Variants in MYO1D observed in about 807,000 individuals in gnomAD.
MYO1D encodes unconventional myosin-Id.
A neutral mutation model predicts 122.0 loss-of-function variants in MYO1D; 83 were observed. That is an observed-to-expected ratio of 0.68 (90% CI 0.57 to 0.82). The LOEUF is 0.82. MYO1D is among the 40% of genes least tolerant of loss of function. The probability of loss-of-function intolerance (pLI) is 0.00; values close to 1 mark genes in which losing one functional copy is unlikely to be tolerated. For synonymous variants in MYO1D, 464 were observed against 446.9 expected (o/e 1.04, Z -0.48); for missense variants, 1,157 against 1,269.5 (o/e 0.91, Z 1.35).
intron 1 of MYO1D, among the ~76,000 whole-genome samples, chr17:32,833,846 T>C (rs551552607): frequency 6.6e-6 from 1 of 152,206 alleles, no homozygotes; most frequent in South Asian, 2.1e-4. Context: ...AATTCTTTCT[T>C]CAAATGCCAC....
At chr17:32,511,995 G>A (rs1185424570) in intron 21 of MYO1D, among the ~76,000 whole-genome samples, 1 of 152,152 alleles carries the variant, frequency 6.6e-6, no homozygotes, top group East Asian at 1.9e-4. Flanking sequence ...ACACACTGGG[G>A]ACATATATAT....
chr17:32,734,588 A>T (rs2089675760), intron 14 of MYO1D: 1 of 152,172 alleles, frequency 6.6e-6, no homozygotes, highest in African/African-American at 2.4e-5. Context: ...GTATTCTATA[A>T]ATTCTGACAA....
chr17:32,735,054 C>A (rs1470427764), intron 14 of MYO1D: 1 of 149,672 alleles, frequency 6.7e-6, no homozygotes, highest in Non-Finnish European at 1.5e-5. Flanking sequence ...GCACTCCAAC[C>A]TGGGCAACAA....
intron 1 of MYO1D, among the ~76,000 whole-genome samples, chr17:32,874,301 T>C (rs2091208873): frequency 6.8e-6 from 1 of 146,430 alleles, no homozygotes; most frequent in Non-Finnish European, 1.5e-5. Context: ...TCTGTCTCTG[T>C]CTCTCTCTCT....
At chr17:32,857,042 G>C (rs1016112370) in intron 1 of MYO1D, among the ~76,000 whole-genome samples, 1 of 152,096 alleles carries the variant, frequency 6.6e-6, no homozygotes, top group African/African-American at 2.4e-5. Context: ...AATTCAAACT[G>C]CTTCTTAATC....
intron 1 of MYO1D, among the ~76,000 whole-genome samples, chr17:32,828,911 T>A (rs1337349364): frequency 2.6e-5 from 4 of 152,178 alleles, no homozygotes; most frequent in African/African-American, 9.7e-5. Flanking sequence ...CACATACAAG[T>A]CGGGTAAACC....
At chr17:32,586,963 C>T (rs977286093) in intron 21 of MYO1D, among the ~76,000 whole-genome samples, 2 of 152,110 alleles carry the variant, frequency 1.3e-5, no homozygotes, top group African/African-American at 4.8e-5. Context: ...GATGCTTGTT[C>T]TTCGTTTCAA....
intron 21 of MYO1D, among the ~76,000 whole-genome samples, chr17:32,516,197 C>A (rs1909884625): frequency 6.6e-6 from 1 of 152,202 alleles, no homozygotes. Context: ...AATATTCCAA[C>A]AGATGAAACA....
At chr17:32,502,822 A>G (rs553408708) in intron 21 of MYO1D, among the ~76,000 whole-genome samples, 6 of 152,200 alleles carry the variant, frequency 3.9e-5, no homozygotes, top group Non-Finnish European at 8.8e-5. Context: ...CTTATTTTTT[A>G]AAGAAAAGGA....
At chr17:32,560,571 A>ATATATATG (rs2087114460) in intron 21 of MYO1D, among the ~76,000 whole-genome samples, 1 of 105,542 alleles carries the variant, frequency 9.5e-6, no homozygotes, top group African/African-American at 3.9e-5. Flanking sequence ...ATATATATAT[A>ATATATATG]TATATAACTT....
intron 16 of MYO1D, among the ~76,000 whole-genome samples, chr17:32,680,240 A>G (rs1598000768): frequency 1.1e-4 from 1 of 9,488 alleles, no homozygotes; most frequent in Non-Finnish European, 2.1e-4. Flanking sequence ...TTCCTAATTG[A>G]ATACCCTTTA....
At chr17:32,805,544 G>A (rs995098434) in intron 1 of MYO1D, among the ~76,000 whole-genome samples, 27 of 152,146 alleles carry the variant, frequency 1.8e-4, no homozygotes, top group African/African-American at 5.8e-4. Context: ...ATTGAGTTTG[G>A]TTTTGAAGCC....
intron 21 of MYO1D, chr17:32,495,629 A>AGCCCTT: frequency 6.6e-6 from 1 of 152,284 alleles, no homozygotes; most frequent in Non-Finnish European, 1.5e-5. Flanking sequence ...CCCGAGCCCG[A>AGCCCTT]GCCCTTCCTC....
chr17:32,616,596 C>T (rs540905494), intron 20 of MYO1D, among the ~76,000 whole-genome samples: 1 of 151,076 alleles, frequency 6.6e-6, no homozygotes, highest in East Asian at 1.9e-4. Flanking sequence ...GTTGGGATTA[C>T]AGGTGTAACC....
At chr17:32,738,122 A>C (rs1430933395) in intron 14 of MYO1D, 131 bp downstream of exon 14, 1 of 752,248 alleles carries the variant, frequency 1.3e-6, no homozygotes, top group Non-Finnish European at 1.9e-6. Context: ...AAATTCTATT[A>C]TAACATTCAC....
chr17:32,524,398 CT>C (rs966234052), intron 21 of MYO1D, among the ~76,000 whole-genome samples: 3 of 150,946 alleles, frequency 2.0e-5, no homozygotes, highest in East Asian at 1.9e-4. Context: ...ATTACTTTTT[CT>C]TTTTTTTTCT....
intron 21 of MYO1D, among the ~76,000 whole-genome samples, chr17:32,509,634 G>T (rs907249012): frequency 6.6e-6 from 1 of 151,902 alleles, no homozygotes; most frequent in Non-Finnish European, 1.5e-5. Flanking sequence ...CACCAGGCTG[G>T]AGTGCAGTGG....
chr17:32,633,219 A>C (rs2088046865), intron 20 of MYO1D, among the ~76,000 whole-genome samples: 1 of 152,160 alleles, frequency 6.6e-6, no homozygotes. Context: ...GAAAAAGAAC[A>C]ACCTAAAGAA....
chr17:32,611,056 T>C (rs2087694521), intron 20 of MYO1D, among the ~76,000 whole-genome samples: 1 of 152,092 alleles, frequency 6.6e-6, no homozygotes, highest in South Asian at 2.1e-4. Flanking sequence ...CAGCCTCTCC[T>C]TACTAAGAAG....
Sources: allele counts gnomAD v4.1 joint callset (sites outside exome capture counted in the v4.1 genomes callset), GRCh38; gene constraint gnomAD v4.1.1; transcripts MANE v1.5; gene names NCBI Gene and HGNC (gene_info 2026-07-23, HGNC 2026-07-21).